INSC: variants seen among roughly 807,000 people sequenced by gnomAD.
The protein encoded by INSC is INSC spindle orientation adaptor protein.
A neutral mutation model predicts 58.6 loss-of-function variants in INSC; 67 were observed. The observed-to-expected ratio is 1.14, with a 90% CI of 0.94 to 1.40. The LOEUF is 1.40. Ranked by LOEUF, INSC falls within the 40% of genes most tolerant of loss-of-function variation. The pLI is 0.00. For missense variants in INSC, 714 were observed against 692.0 expected (o/e 1.03, Z -0.36); for synonymous variants, 262 against 276.1 (o/e 0.95, Z 0.51).
Position 15,176,009 on chromosome 11 carries a change from C to T in INSC, c.325C>T (p.Arg109Cys), listed in dbSNP as rs548162175. The change falls in exon 3 of 13, where the codon CGT becomes TGT. Residue 109 changes from arginine (R) to cysteine (C), a missense_variant. Physicochemically the swap from Arg to Cys is radical, Grantham distance 180. Transcript: ENST00000379556. ...GGCACGGGTGCACAGCATGAGCGTG[C>T]GTCTGACCTGCCATGCCCGCTCCAT... ...RWARVHSMSV[R>C]LTCHARSMVS... The T allele has an allele frequency of 1.1e-5, 17 of 1,597,458 alleles. No homozygotes were observed. Among genetic ancestry groups the T allele is most frequent in the African/African-American group, 5.4e-5 (4 of 74,720 alleles).
chr11:15,231,011 A>C (rs1031536442), intron 9 of INSC, among the ~76,000 whole-genome samples: 1 of 152,110 alleles, frequency 6.6e-6, no homozygotes, highest in Non-Finnish European at 1.5e-5. Flanking sequence ...TAGTCTGCAC[A>C]CCTGTCCAGC....
chr11:15,119,316 T>C (rs1847810848), intron 1 of INSC, among the ~76,000 whole-genome samples: 1 of 152,160 alleles, frequency 6.6e-6, no homozygotes, highest in Non-Finnish European at 1.5e-5. Context: ...CAACATGCAG[T>C]GGGCAGTGTT....
chr11:15,159,436 GAGA>G (rs1208051517), intron 2 of INSC, among the ~76,000 whole-genome samples: 3 of 152,158 alleles, frequency 2.0e-5, no homozygotes, highest in Non-Finnish European at 4.4e-5. Flanking sequence ...TTAAAGTAGG[GAGA>G]AGAACAGAAT....
intron 1 of INSC, among the ~76,000 whole-genome samples, chr11:15,118,097 C>G (rs1168717959): frequency 3.9e-5 from 6 of 152,192 alleles, no homozygotes; most frequent in African/African-American, 1.4e-4. Context: ...CTGAGCCCTC[C>G]CCCAGTATGG....
intron 5 of INSC, among the ~76,000 whole-genome samples, chr11:15,187,304 G>A (rs1043917736): frequency 2.0e-5 from 3 of 151,590 alleles, no homozygotes; most frequent in Admixed American, 6.6e-5. Context: ...ATTAAGACCA[G>A]ATTCAAGGGA....
At chr11:15,260,183 G>GT in the INSC span, among the ~76,000 whole-genome samples, 2,690 of 151,406 alleles carry the variant, frequency 0.018, 72 homozygotes, top group African/African-American at 0.058. Flanking sequence ...TGTTTTTTTT[G>GT]TTTTTTTTAA....
At chr11:15,114,276 T>A (rs1847639416), upstream of INSC, among the ~76,000 whole-genome samples, 1 of 150,728 alleles carries the variant, frequency 6.6e-6, no homozygotes, top group African/African-American at 2.4e-5. Context: ...TGGGGTCTGA[T>A]CTTATGTGCC....
At chr11:15,119,237 G>T (rs936939609) in intron 1 of INSC, among the ~76,000 whole-genome samples, 5 of 152,214 alleles carry the variant, frequency 3.3e-5, no homozygotes, top group South Asian at 2.1e-4. Flanking sequence ...TGAGAAGCAG[G>T]GATTGAAGGG....
chr11:15,123,573 T>G (rs1847923190), intron 1 of INSC, among the ~76,000 whole-genome samples: 1 of 152,172 alleles, frequency 6.6e-6, no homozygotes, highest in South Asian at 2.1e-4. Flanking sequence ...CAACCATGTC[T>G]GTCCCTCAGA....
chr11:15,172,716 G>GA (rs149971040), intron 2 of INSC, among the ~76,000 whole-genome samples: 98 of 152,328 alleles, frequency 6.4e-4, no homozygotes, highest in African/African-American at 2.3e-3. Flanking sequence ...AGAGGATTGT[G>GA]AAAGAGAGTG....
At chr11:15,264,372 C>T in the INSC span, among the ~76,000 whole-genome samples, 1 of 147,938 alleles carries the variant, frequency 6.8e-6, no homozygotes, top group Non-Finnish European at 1.5e-5. Flanking sequence ...TTGAAAGGCC[C>T]CTTTAGTTAG....
chr11:15,114,281 T>G (rs957249343), upstream of INSC, among the ~76,000 whole-genome samples: 1 of 151,470 alleles, frequency 6.6e-6, no homozygotes, highest in Non-Finnish European at 1.5e-5. Context: ...TCTGATCTTA[T>G]GTGCCGAAGT....
chr11:15,210,371 A>AGCCTGTTCTGTGGGCTACAGACAT (rs369034823), intron 7 of INSC, among the ~76,000 whole-genome samples: 39,447 of 142,742 alleles, frequency 0.28, 5,900 homozygotes, highest in East Asian at 0.72. Flanking sequence ...TAGGAATTCT[A>AGCCTGTTCTGTGGGCTACAGACAT]GCCTGTTCTG....
Position 15,127,813 on chromosome 11 carries a change from A to C in INSC, c.-46+12810A>C, listed in dbSNP as rs138238402. ...TAGAGAGAACTTGAGTTCACAACAT[A>C]GCAAAACCCTGTCTCTACTAGAAAT... On this transcript the variant is annotated intron_variant, in intron 1 of 12. Coordinates refer to ENST00000379556, the MANE Select transcript of INSC (RefSeq NM_001042536.3). Among the ~76,000 whole-genome samples, 1,174 of 152,186 alleles carry C rather than the reference A, an allele frequency of 7.7e-3. 15 individuals carry two copies. The highest frequency in any genetic ancestry group is 0.027 in the African/African-American group (1,122 of 41,524).
chr11:15,190,305 T>C (rs1392402117), intron 5 of INSC, among the ~76,000 whole-genome samples: 2 of 152,246 alleles, frequency 1.3e-5, no homozygotes, highest in East Asian at 1.9e-4. Flanking sequence ...TCTTTGGTCA[T>C]AGCTGTAGCC....
chr11:15,204,232 A>G (rs1051449773), intron 7 of INSC, among the ~76,000 whole-genome samples: 3 of 152,208 alleles, frequency 2.0e-5, no homozygotes, highest in African/African-American at 7.2e-5. Flanking sequence ...CTGCTTACAG[A>G]AGAAAGGGAG....
At chr11:15,136,925 C>G (rs1369332909) in intron 1 of INSC, among the ~76,000 whole-genome samples, 1 of 152,116 alleles carries the variant, frequency 6.6e-6, no homozygotes, top group Non-Finnish European at 1.5e-5. Context: ...TTATTATGCC[C>G]AAATCCATCA....
At chr11:15,206,800 T>A (rs758455828) in intron 7 of INSC, among the ~76,000 whole-genome samples, 1 of 152,208 alleles carries the variant, frequency 6.6e-6, no homozygotes, top group Non-Finnish European at 1.5e-5. Flanking sequence ...GCTATGGTGA[T>A]GCAATGAAGC....
chr11:15,139,235 A>G (rs1234755489), intron 1 of INSC, among the ~76,000 whole-genome samples: 3 of 152,206 alleles, frequency 2.0e-5, no homozygotes, highest in Non-Finnish European at 4.4e-5. Flanking sequence ...CGTTGGAGCG[A>G]TTCAATTTTC....
Sources: allele counts gnomAD v4.1 joint callset (sites outside exome capture counted in the v4.1 genomes callset), GRCh38; gene constraint gnomAD v4.1.1; transcripts MANE v1.5; gene names NCBI Gene and HGNC (gene_info 2026-07-23, HGNC 2026-07-21).